NR2E3: variants seen among roughly 807,000 people sequenced by gnomAD.
The protein encoded by NR2E3 is photoreceptor-specific nuclear receptor.
In NR2E3, 38 loss-of-function variants were observed where a neutral mutation model predicts 37.6. The ratio of observed to expected loss-of-function variants is 1.01; its 90% CI spans 0.78 to 1.33. NR2E3 has a LOEUF of 1.33. NR2E3 is among the 40% of genes most tolerant of loss of function. NR2E3 has a pLI of 0.00. For missense variants in NR2E3, 562 were observed against 558.7 expected (o/e 1.01, Z -0.06); for synonymous variants, 235 against 225.1 (o/e 1.04, Z -0.39).
chr15:71,814,182 A>G, intron 7 of NR2E3, 65 bp downstream of exon 7: 1 of 1,545,434 alleles, frequency 6.5e-7, no homozygotes, highest in Non-Finnish European at 8.7e-7. Flanking sequence ...TGCCTCTCCC[A>G]CACTCTCCCA....
chr15:71,811,538 C>T lies in NR2E3; in HGVS notation c.174C>T (p.His58=), dbSNP rs772583552. 2.1e-5 allele frequency: 33 copies of T among 1,589,488 alleles called. No homozygotes were observed. Among genetic ancestry groups the T allele is most frequent in the Non-Finnish European group, 2.6e-5 (30 of 1,168,422 alleles). The change falls in exon 2 of 8, where the codon CAC becomes CAT. Residue 58 remains histidine, a synonymous_variant. Transcript: ENST00000617575. This position sits in a 1 kb window ranked among gnomAD's most constrained non-coding sequence, Gnocchi z 5.6. ...RVCGDSSSGK[H]YGIYACNGCS... The stretch of plus-strand genomic sequence containing the variant: ...GCGGAGACAGCAGCAGCGGGAAGCA[C>T]TATGGCATCTATGCCTGCAACGGCT...
In NR2E3 at chr15:71,817,634, A is replaced by C; in HGVS notation, c.1183A>C (p.Ile395Leu). Residue 395 changes from isoleucine to leucine, a missense_variant, in exon 8 of 8, where the codon ATA (isoleucine) becomes CTA (leucine). Physicochemically the swap from Ile to Leu is conservative, Grantham distance 5. Coordinates refer to ENST00000617575, the MANE Select transcript of NR2E3 (RefSeq NM_014249.4). ...CGAGCTCCTCTTTTTCCGCAAGACCATAGGGAATACTCCAATGGAGAAGCT... is the reference window on the plus strand; with the variant it reads ...CGAGCTCCTCTTTTTCCGCAAGACCCTAGGGAATACTCCAATGGAGAAGCT... ...RIELLFFRKT[I>L]GNTPMEKLLC... The C allele has an allele frequency of 6.2e-7, 1 of 1,610,690 alleles. No homozygotes were observed. Among genetic ancestry groups the C allele is most frequent in the African/African-American group, 1.3e-5 (1 of 75,044 alleles).
chr15:71,810,710 C>T lies in NR2E3; in HGVS notation c.-34C>T. On this transcript the variant is annotated 5_prime_UTR_variant, in exon 1 of 8. Transcript: ENST00000617575. The stretch of plus-strand genomic sequence containing the variant: ...CTGGGCCAGGCTCAGCAACCCAGGC[C>T]TCCCGCAGGCAGGCAGAGGCTGCCC... The T allele has an allele frequency of 6.4e-7, 1 of 1,551,814 alleles. No homozygotes were observed. Among genetic ancestry groups the T allele is most frequent in the East Asian group, 2.4e-5 (1 of 40,956 alleles).
In NR2E3 at chr15:71,814,052, G is replaced by A; in HGVS notation, c.1035G>A (p.Leu345=). ...GLKDPEHVEA[L]QDQSQVMLSQ... ...AGGATCCTGAGCACGTAGAGGCCTT[G>A]CAGGACCAGTCCCAAGTGATGCTGA... Residue 345 remains leucine (L), a synonymous_variant, in exon 7 of 8, where the codon TTG becomes TTA. Coordinates refer to ENST00000617575, the MANE Select transcript of NR2E3 (RefSeq NM_014249.4). 1 of 1,612,870 alleles carries A rather than the reference G, an allele frequency of 6.2e-7. No individual in the cohort carries two copies. Among genetic ancestry groups the A allele is most frequent in the South Asian group, 1.1e-5 (1 of 90,766 alleles).
chr15:71,811,380 C>T lies in NR2E3; in HGVS notation c.119-103C>T, dbSNP rs1261813976. 10 of 1,092,954 alleles carry T rather than the reference C, an allele frequency of 9.1e-6. No homozygotes were observed. The highest frequency in any genetic ancestry group is 6.0e-5 in the South Asian group (4 of 66,320). 67.7% of individuals were successfully genotyped at this position (1,092,954 alleles called of 1,614,324 possible). Reference sequence around the variant, plus strand: ...GTGGGTTCGTTCAAATGCGGGTGAGCGGGGCCTGAGGACTGGGAAAGGGAC... The same window carrying T: ...GTGGGTTCGTTCAAATGCGGGTGAGTGGGGCCTGAGGACTGGGAAAGGGAC... On this transcript the variant is annotated intron_variant, in intron 1 of 7. Coordinates refer to ENST00000617575, the MANE Select transcript of NR2E3 (RefSeq NM_014249.4). This position sits in a 1 kb window ranked among gnomAD's most constrained non-coding sequence, Gnocchi z 5.6.
At position 71,812,365 on chromosome 15, in the gene NR2E3, G is replaced by T. The variant is rs927960100; in HGVS notation, c.601G>T (p.Asp201Tyr). The T allele has an allele frequency of 6.2e-7, 1 of 1,613,898 alleles. No individual in the cohort carries two copies. Among genetic ancestry groups the T allele is most frequent in the Non-Finnish European group, 8.5e-7 (1 of 1,179,860 alleles). ...TGAGAATATTGATGTCACCAGCAAT[G>T]ACCCTGAGTTCCCCTCCTCTCCATA... is the stretch of plus-strand genomic sequence containing the variant. Reference protein sequence around the residue: ...ADENIDVTSNDPEFPSSPYSS... With the variant: ...ADENIDVTSNYPEFPSSPYSS... Residue 201 changes from aspartate (D) to tyrosine (Y), a missense_variant, in exon 5 of 8, where the codon GAC (aspartate) becomes TAC (tyrosine). Physicochemically the swap from Asp to Tyr is radical, Grantham distance 160. Coordinates refer to ENST00000617575, the MANE Select transcript of NR2E3 (RefSeq NM_014249.4).
chr15:71,814,156 AC>A, intron 7 of NR2E3, 39 bp downstream of exon 7: 1 of 1,585,564 alleles, frequency 6.3e-7, no homozygotes, highest in Non-Finnish European at 8.5e-7. Context: ...TCTGTCCCTG[AC>A]CTCTAACCTT....
At chr15:71,815,385 A>G (rs528149547) in intron 7 of NR2E3, among the ~76,000 whole-genome samples, 79 of 152,248 alleles carry the variant, frequency 5.2e-4, no homozygotes, top group Non-Finnish European at 6.6e-4. Context: ...CATATAGCAC[A>G]GGAAGATTTG....
chr15:71,817,777 G>A lies in NR2E3; in HGVS notation c.*93G>A, dbSNP rs1595959010. ...CTCTTTGCCCCAGCAATTCCTCGTA[G>A]GTGTGTGTACCCAGCAGAAATGCCC... On this transcript the variant is annotated 3_prime_UTR_variant, in exon 8 of 8. Transcript: ENST00000617575. 1 of 1,255,198 alleles carries A rather than the reference G, an allele frequency of 8.0e-7. No individual in the cohort carries two copies. The highest frequency in any genetic ancestry group is 1.1e-6 in the Non-Finnish European group (1 of 891,994). 77.8% of individuals were successfully genotyped at this position (1,255,198 alleles called of 1,614,324 possible). A position where few individuals can be genotyped will look rare whatever the true frequency, so the allele number is the denominator to read the frequency against.
rs375975199 is a variant in NR2E3, at chr15:71,813,560, A to C, written c.919A>C (p.Ile307Leu). The change falls in exon 6 of 8, where the codon ATC (isoleucine) becomes CTC (leucine). Residue 307 changes from isoleucine (I) to leucine (L), a missense_variant. Coordinates refer to ENST00000617575, the MANE Select transcript of NR2E3 (RefSeq NM_014249.4). This position sits in a 1 kb window ranked among gnomAD's most constrained non-coding sequence, Gnocchi z 4.7. ...SMETRVLQET[I>L]SRFRALAVDP... ...GGAGACGCGTGTCCTGCAGGAAACT[A>C]TCTCTCGGTTCCGGGCATTGGCGGT... 44 of 1,613,726 alleles carry C rather than the reference A, an allele frequency of 2.7e-5. No individual in the cohort carries two copies. Among genetic ancestry groups the C allele is most frequent in the Admixed American group, 6.7e-5 (4 of 59,996 alleles).
chr15:71,811,957 G>T lies in NR2E3; in HGVS notation c.352G>T (p.Val118Leu). 1 of 1,550,188 alleles carries T rather than the reference G, an allele frequency of 6.5e-7. No homozygotes were observed. Among genetic ancestry groups the T allele is most frequent in the Non-Finnish European group, 8.7e-7 (1 of 1,146,888 alleles). The change falls in exon 4 of 8, where the codon GTG (valine) becomes TTG (leucine). Residue 118 changes from valine (V) to leucine (L), a missense_variant and splice_region_variant. By Grantham distance (32) the Val-to-Leu change is conservative. Coordinates refer to ENST00000617575, the MANE Select transcript of NR2E3 (RefSeq NM_014249.4). The surrounding 1 kb of genome is among the most constrained non-coding windows in gnomAD (Gnocchi z 5.6). ...CLQAGMNQDA[V>L]QNERQPRSTA... ...CCTGACCCTTCCTGCCTCCCCAGCC[G>T]TGCAGAACGAGCGCCAGCCGCGAAG...
intron 7 of NR2E3, among the ~76,000 whole-genome samples, chr15:71,816,178 G>T (rs2054224451): frequency 1.3e-5 from 2 of 152,104 alleles, no homozygotes; most frequent in Non-Finnish European, 2.9e-5. Context: ...ACCTACCCAG[G>T]GAAGGTTTAG....
At position 71,813,343 on chromosome 15, in the gene NR2E3, G is replaced by C; in HGVS notation, c.748-46G>C. On this transcript the variant is annotated intron_variant, in intron 5 of 7. Coordinates refer to ENST00000617575, the MANE Select transcript of NR2E3 (RefSeq NM_014249.4). The surrounding 1 kb of genome is among the most constrained non-coding windows in gnomAD (Gnocchi z 4.7). Reference sequence around the variant, plus strand: ...GTGGCAGAGGCTCCAGACTGAGCCAGAGAAGCTGTGTGTCTGCCATAACAG... The same window carrying C: ...GTGGCAGAGGCTCCAGACTGAGCCACAGAAGCTGTGTGTCTGCCATAACAG... The C allele has an allele frequency of 4.4e-6, 7 of 1,594,402 alleles. No individual in the cohort carries two copies. Among genetic ancestry groups the C allele is most frequent in the Non-Finnish European group, 5.1e-6 (6 of 1,171,542 alleles).
chr15:71,814,418 A>C, intron 7 of NR2E3: 1 of 1,147,878 alleles, frequency 8.7e-7, no homozygotes, highest in Non-Finnish European at 1.1e-6. Flanking sequence ...ATCCCCTTGC[A>C]TGGGAAACAT....
intron 7 of NR2E3, among the ~76,000 whole-genome samples, chr15:71,816,803 G>C (rs2054230051): frequency 6.6e-6 from 1 of 151,890 alleles, no homozygotes; most frequent in Admixed American, 6.6e-5. Flanking sequence ...ACTTATGATG[G>C]GGTTACATCT....
chr15:71,814,309 A>T (rs938339911), intron 7 of NR2E3, 192 bp downstream of exon 7: 1 of 1,383,498 alleles, frequency 7.2e-7, no homozygotes, highest in African/African-American at 1.5e-5. Flanking sequence ...ACATAAGACA[A>T]AGCTACTGCC....
rs2140290970 is a variant in NR2E3, at chr15:71,813,406, G to A, written c.765G>A (p.Glu255=). The change falls in exon 6 of 8, where the codon GAG becomes GAA. Residue 255 remains glutamate, a synonymous_variant. Transcript: ENST00000617575. The surrounding 1 kb of genome is among the most constrained non-coding windows in gnomAD (Gnocchi z 4.7). ...PFRDQVILLE[E]AWSELFLLGA... is the part of the protein sequence containing the mutation. ...GAGCACAGGTGATCCTGCTGGAAGA[G>A]GCGTGGAGTGAACTCTTTCTCCTCG... The A allele has an allele frequency of 6.2e-7, 1 of 1,611,728 alleles. No homozygotes were observed. The highest frequency in any genetic ancestry group is 8.5e-7 in the Non-Finnish European group (1 of 1,179,032).
In NR2E3 at chr15:71,812,391, C is replaced by T; in HGVS notation, c.627C>T (p.Tyr209=). Reference sequence around the variant, plus strand: ...ACCCTGAGTTCCCCTCCTCTCCATACTCCTCTTCCTCCCCCTGCGGCCTGG... The same window carrying T: ...ACCCTGAGTTCCCCTCCTCTCCATATTCCTCTTCCTCCCCCTGCGGCCTGG... ...SNDPEFPSSP[Y]SSSSPCGLDS... is the part of the protein sequence containing the mutation. Residue 209 remains tyrosine, a synonymous_variant, in exon 5 of 8, where the codon TAC becomes TAT. Transcript: ENST00000617575. 1 of 1,614,008 alleles carries T rather than the reference C, an allele frequency of 6.2e-7. No individual in the cohort carries two copies. Among genetic ancestry groups the T allele is most frequent in the African/African-American group, 1.3e-5 (1 of 75,052 alleles).
intron 7 of NR2E3, 198 bp downstream of exon 7, chr15:71,814,315 C>T: frequency 1.4e-6 from 2 of 1,381,706 alleles, no homozygotes; most frequent in Non-Finnish European, 9.4e-7. Context: ...GACAAAGCTA[C>T]TGCCTTCTAG....
Sources: gnomAD v4.1 joint callset for allele counts (sites outside exome capture counted in the v4.1 genomes callset) on GRCh38, gnomAD v4.1.1 for gene constraint, Gnocchi (gnomAD v3.1) non-coding constraint, MANE v1.5 for transcripts, NCBI Gene and HGNC (gene_info 2026-07-23, HGNC 2026-07-21) for gene names.